FSTL4: variants seen among roughly 807,000 people sequenced by gnomAD.
FSTL4 encodes the protein follistatin-related protein 4.
A neutral mutation model predicts 78.2 loss-of-function variants in FSTL4; 28 were observed. That is an observed-to-expected ratio of 0.36 (90% CI 0.27 to 0.49). The LOEUF (loss-of-function observed/expected upper bound fraction) is 0.49. Ranked by LOEUF, FSTL4 falls within the 20% of genes least tolerant of loss-of-function variation. The pLI is 0.98. For missense variants in FSTL4, 922 were observed against 1,084.9 expected (o/e 0.85, Z 2.11); for synonymous variants, 422 against 440.5 (o/e 0.96, Z 0.53).
At chr5:133,546,288 C>T (rs1465084298) in intron 3 of FSTL4, among the ~76,000 whole-genome samples, 1 of 152,056 alleles carries the variant, frequency 6.6e-6, no homozygotes, top group Non-Finnish European at 1.5e-5. Context: ...GGGTGGATTA[C>T]CTCAGGTCAG....
At chr5:133,637,108 C>T in the FSTL4 span, among the ~76,000 whole-genome samples, 8 of 152,246 alleles carry the variant, frequency 5.3e-5, no homozygotes, top group South Asian at 1.2e-3. Context: ...AGTGGTGTAA[C>T]AATGACAACA....
the FSTL4 span, among the ~76,000 whole-genome samples, chr5:133,741,197 C>T: frequency 6.6e-6 from 1 of 152,166 alleles, no homozygotes; most frequent in African/African-American, 2.4e-5. Flanking sequence ...GTGTCTTAAA[C>T]CATATTCCCG....
chr5:133,671,035 G>C, the FSTL4 span, among the ~76,000 whole-genome samples: 1 of 152,128 alleles, frequency 6.6e-6, no homozygotes, highest in Non-Finnish European at 1.5e-5. Flanking sequence ...CCAAGCCTAG[G>C]CACATCAAGG....
the FSTL4 span, among the ~76,000 whole-genome samples, chr5:133,659,098 C>T: frequency 6.6e-6 from 1 of 151,986 alleles, no homozygotes; most frequent in Admixed American, 6.6e-5. Flanking sequence ...AAGTATTTTG[C>T]TTATTGGGAT....
At chr5:133,231,781 G>A (rs1751501071) in intron 8 of FSTL4, among the ~76,000 whole-genome samples, 2 of 152,164 alleles carry the variant, frequency 1.3e-5, no homozygotes, top group Admixed American at 6.5e-5. Flanking sequence ...GGACTCAAGC[G>A]ATCCAGCCTC....
At chr5:133,672,705 T>G in the FSTL4 span, among the ~76,000 whole-genome samples, 1 of 152,330 alleles carries the variant, frequency 6.6e-6, no homozygotes, top group South Asian at 2.1e-4. Flanking sequence ...AGGAGGTTGT[T>G]CCTGCCACAG....
At chr5:133,692,782 C>A in the FSTL4 span, among the ~76,000 whole-genome samples, 2 of 152,170 alleles carry the variant, frequency 1.3e-5, no homozygotes, top group African/African-American at 2.4e-5. Context: ...TTCCAACCTC[C>A]CCATCCTGCT....
chr5:133,344,422 T>A (rs370422904), intron 4 of FSTL4, among the ~76,000 whole-genome samples: 42 of 152,362 alleles, frequency 2.8e-4, no homozygotes, highest in African/African-American at 1.0e-3. Flanking sequence ...TCTGATGATG[T>A]AACCCTCATC....
At position 133,199,649 on chromosome 5, in the gene FSTL4, G is replaced by T. The variant is rs763687780; in HGVS notation, c.1975C>A (p.Gln659Lys). The T allele has an allele frequency of 7.4e-6, 12 of 1,614,078 alleles. No homozygotes were observed. The highest frequency in any genetic ancestry group is 5.0e-5 in the Admixed American group (3 of 60,004). Residue 659 changes from glutamine (Q) to lysine (K), a missense_variant, in exon 16 of 16, where the codon CAG (glutamine) becomes AAG (lysine). Transcript: ENST00000265342. The surrounding 1 kb of genome is among the most constrained non-coding windows in gnomAD (Gnocchi z 4.4). The stretch of plus-strand genomic sequence containing the variant: ...GAGGCGGGGCTGTCCTGTCGGCACT[G>T]GATGAAGAAGTAGCCGCCCAGGTGG... ...HTHLGGYFFI[Q>K]CRQDSPASAA...
At chr5:133,294,044 C>G (rs1368664581) in intron 6 of FSTL4, among the ~76,000 whole-genome samples, 2 of 152,170 alleles carry the variant, frequency 1.3e-5, no homozygotes, top group African/African-American at 4.8e-5. Flanking sequence ...TGCCTTTTCC[C>G]ACTCCCATAC....
the FSTL4 span, among the ~76,000 whole-genome samples, chr5:133,714,189 A>T: frequency 6.6e-6 from 1 of 152,212 alleles, no homozygotes; most frequent in East Asian, 1.9e-4. Context: ...GCCCAGACAC[A>T]CATGGAGAGA....
At chr5:133,310,798 T>C (rs914767242) in intron 6 of FSTL4, among the ~76,000 whole-genome samples, 2 of 152,180 alleles carry the variant, frequency 1.3e-5, no homozygotes, top group African/African-American at 4.8e-5. Flanking sequence ...CTTGGAACTA[T>C]CCCCAGAGAA....
At chr5:133,815,132 T>G in the FSTL4 span, among the ~76,000 whole-genome samples, 7 of 152,222 alleles carry the variant, frequency 4.6e-5, no homozygotes, top group Non-Finnish European at 1.0e-4. Context: ...GACAGAGATA[T>G]GGATACTGAT....
chr5:133,248,539 C>T (rs1752114236), intron 7 of FSTL4: 2 of 152,214 alleles, frequency 1.3e-5, no homozygotes, highest in Non-Finnish European at 1.5e-5. Flanking sequence ...CAAACCTGGA[C>T]CAATAAATAT....
chr5:133,712,659 C>T, the FSTL4 span, among the ~76,000 whole-genome samples: 1 of 152,208 alleles, frequency 6.6e-6, no homozygotes, highest in African/African-American at 2.4e-5. Flanking sequence ...AGGGAACCTC[C>T]CCACTGGGTT....
At chr5:133,549,258 C>G (rs1016451018) in intron 3 of FSTL4, among the ~76,000 whole-genome samples, 4 of 152,116 alleles carry the variant, frequency 2.6e-5, no homozygotes, top group African/African-American at 9.7e-5. Flanking sequence ...TCCTTGCCTC[C>G]TAACCTTGAT....
the FSTL4 span, among the ~76,000 whole-genome samples, chr5:133,739,622 G>A: frequency 6.6e-6 from 1 of 152,146 alleles, no homozygotes; most frequent in Non-Finnish European, 1.5e-5. Context: ...AATCTTCAAG[G>A]GTCCTCAGGA....
At chr5:133,557,633 C>T (rs1039921707) in intron 3 of FSTL4, among the ~76,000 whole-genome samples, 1 of 152,188 alleles carries the variant, frequency 6.6e-6, no homozygotes, top group African/African-American at 2.4e-5. Context: ...GACTAGAGGC[C>T]ATCTGTCTTC....
At chr5:133,715,684 G>C in the FSTL4 span, among the ~76,000 whole-genome samples, 1 of 152,184 alleles carries the variant, frequency 6.6e-6, no homozygotes, top group African/African-American at 2.4e-5. Flanking sequence ...TATTTTTCAG[G>C]ACTCCCCTGT....
Sources: allele counts gnomAD v4.1 joint callset (sites outside exome capture counted in the v4.1 genomes callset), GRCh38; gene constraint gnomAD v4.1.1; non-coding constraint Gnocchi (gnomAD v3.1); transcripts MANE v1.5; gene names NCBI Gene and HGNC (gene_info 2026-07-23, HGNC 2026-07-21).